Variants in FAM171A1 observed in about 807,000 individuals in gnomAD.
FAM171A1 encodes the protein family with sequence similarity 171 member A1.
In FAM171A1, 23 loss-of-function variants were observed where a neutral mutation model predicts 74.9. The ratio of observed to expected loss-of-function variants is 0.31; its 90% CI spans 0.22 to 0.44. The LOEUF is 0.44. Among genes scored for constraint, FAM171A1 ranks in the 20% least tolerant of loss-of-function variants. FAM171A1 has a pLI of 1.00. For missense variants in FAM171A1, 1,162 were observed against 1,159.2 expected (o/e 1.00, Z -0.03); for synonymous variants, 527 against 505.7 (o/e 1.04, Z -0.57).
intron 3 of FAM171A1, among the ~76,000 whole-genome samples, chr10:15,269,846 A>T (rs1834798894): frequency 6.6e-6 from 1 of 152,214 alleles, no homozygotes; most frequent in Non-Finnish European, 1.5e-5. Context: ...TGTGCCTCAC[A>T]GGGAAAATAG....
In FAM171A1 at chr10:15,355,304, G is replaced by A. The variant is rs11259619; in HGVS notation, c.97+15652C>T. On this transcript the variant is annotated intron_variant, in intron 1 of 7. Coordinates refer to ENST00000378116, the MANE Select transcript of FAM171A1 (RefSeq NM_001010924.2). ...TGCCCAGGCTGGTCTTGAACTCCTG[G>A]GCTCAAGTGATTCGCCCACTTCAGC... 1.2e-3 allele frequency among the ~76,000 whole-genome samples: 178 copies of A among 152,222 alleles called. 2 individuals carry two copies. In the East Asian group the frequency reaches 0.026, roughly 23 times the overall value.
chr10:15,233,090 C>T (rs150498476), intron 5 of FAM171A1, among the ~76,000 whole-genome samples: 4 of 151,852 alleles, frequency 2.6e-5, no homozygotes, highest in African/African-American at 4.8e-5. Context: ...GTCAGGAGAT[C>T]GAGACCATCC....
Position 15,234,956 on chromosome 10 carries a change from C to T in FAM171A1, c.754+13683G>A, listed in dbSNP as rs540123658. On this transcript the variant is annotated intron_variant, in intron 5 of 7. Coordinates refer to ENST00000378116, the MANE Select transcript of FAM171A1 (RefSeq NM_001010924.2). ...GGATTACAGGCGTGAGCCACCGTGCCGGGCCGATCAGAGGTACTTTTCATT... is the reference window on the plus strand; with the variant it reads ...GGATTACAGGCGTGAGCCACCGTGCTGGGCCGATCAGAGGTACTTTTCATT... Among the ~76,000 whole-genome samples, 611 of 152,154 alleles carry T rather than the reference C, an allele frequency of 4.0e-3. 4 individuals carry two copies. Among genetic ancestry groups the T allele is most frequent in the African/African-American group, 0.013 (542 of 41,522 alleles).
Position 15,214,196 on chromosome 10 carries a change from A to G in FAM171A1, c.1392T>C (p.Phe464=). 2 of 1,614,050 alleles carry G rather than the reference A, an allele frequency of 1.2e-6. No individual in the cohort carries two copies. Among genetic ancestry groups the G allele is most frequent in the South Asian group, 2.2e-5 (2 of 91,078 alleles). Residue 464 remains phenylalanine, a synonymous_variant, in exon 8 of 8, where the codon TTT becomes TTC. Transcript: ENST00000378116. ...GKDYHKSVEV[F]PLKARKSMER... is the part of the protein sequence containing the mutation. The stretch of plus-strand genomic sequence containing the variant: ...CCATAGATTTTCTTGCCTTTAAGGG[A>G]AAAACCTCCACTGACTTATGGTAGT...
chr10:15,297,219 T>G (rs545457132), intron 1 of FAM171A1, among the ~76,000 whole-genome samples: 66 of 151,992 alleles, frequency 4.3e-4, no homozygotes, highest in African/African-American at 1.6e-3. Context: ...CCACCACGCC[T>G]GGTTAATTTT....
Position 15,368,974 on chromosome 10 carries a change from A to G in FAM171A1, c.97+1982T>C, listed in dbSNP as rs143551478. Among the ~76,000 whole-genome samples the G allele has an allele frequency of 7.9e-4, 121 of 152,308 alleles. 2 individuals are homozygous for G. The Middle Eastern group carries it at 0.014, about 17-fold the overall frequency. ...CCTGGGCTCAAGGCTTTAAAAAGCC[A>G]TCCTTACAGTAGATAACAACAAAGG... On this transcript the variant is annotated intron_variant, in intron 1 of 7. Transcript: ENST00000378116.
At chr10:15,248,929 G>T in intron 4 of FAM171A1, 114 bp from the exon 5 acceptor site, 1 of 943,830 alleles carries the variant, frequency 1.1e-6, no homozygotes, top group Non-Finnish European at 1.5e-6. Flanking sequence ...GCCAGGGACT[G>T]CATGAAGCAC....
In FAM171A1 at chr10:15,281,478, G is replaced by T. The variant is rs747035151; in HGVS notation, c.325+2400C>A. ...GGCCGATATGTGTGGGGCCAGCCAG[G>T]GGTGGGCAGGCCTGGGACCCAGGTG... On this transcript the variant is annotated intron_variant, in intron 2 of 7. Coordinates refer to ENST00000378116, the MANE Select transcript of FAM171A1 (RefSeq NM_001010924.2). Among the ~76,000 whole-genome samples the T allele has an allele frequency of 6.3e-3, 958 of 152,324 alleles. 4 individuals are homozygous for T. Among genetic ancestry groups the T allele is most frequent in the Non-Finnish European group, 0.011 (754 of 68,028 alleles).
intron 1 of FAM171A1, among the ~76,000 whole-genome samples, chr10:15,362,506 G>A (rs1836006170): frequency 6.6e-6 from 1 of 152,324 alleles, no homozygotes; most frequent in East Asian, 1.9e-4. Context: ...AGGAGTTTGA[G>A]ACCAGGCTGG....
chr10:15,272,087 A>T (rs1325400992), intron 3 of FAM171A1, among the ~76,000 whole-genome samples: 3 of 152,230 alleles, frequency 2.0e-5, no homozygotes, highest in African/African-American at 7.2e-5. Context: ...AGACACAGAC[A>T]GGCACATTGG....
chr10:15,257,313 T>C (rs938048787), intron 3 of FAM171A1, among the ~76,000 whole-genome samples: 3 of 152,112 alleles, frequency 2.0e-5, no homozygotes, highest in Non-Finnish European at 4.4e-5. Context: ...CCGACTGGAC[T>C]GAGGGTTGCT....
In FAM171A1 at chr10:15,214,584, G is replaced by A. The variant is rs1270778440; in HGVS notation, c.1004C>T (p.Pro335Leu). The change falls in exon 8 of 8, where the codon CCT becomes CTT. Residue 335 changes from proline (P) to leucine (L), a missense_variant. Transcript: ENST00000378116. ...LYYCRRKCLK[P>L]RQHHRKLQLP... ...CTGCAGTTTTCTGTGGTGCTGACGAGGTTTCAAGCACTTCCTCCTGCGCCC... is the reference window on the plus strand; with the variant it reads ...CTGCAGTTTTCTGTGGTGCTGACGAAGTTTCAAGCACTTCCTCCTGCGCCC... The A allele has an allele frequency of 2.5e-6, 4 of 1,594,904 alleles. No homozygotes were observed. Among genetic ancestry groups the A allele is most frequent in the African/African-American group, 1.3e-5 (1 of 74,254 alleles).
chr10:15,263,336 G>A lies in FAM171A1; in HGVS notation c.419-8457C>T, dbSNP rs147928767. ...TCATCCCTTACCAGAAATAATCTGG[G>A]ATTTAATTTATGGATTTACTACCAA... is the stretch of plus-strand genomic sequence containing the variant. On this transcript the variant is annotated intron_variant, in intron 3 of 7. Transcript: ENST00000378116. Among the ~76,000 whole-genome samples the A allele has an allele frequency of 7.9e-3, 1,198 of 152,220 alleles. 9 individuals carry two copies. The highest frequency in any genetic ancestry group is 0.02 in the Middle Eastern group (6 of 294).
In FAM171A1 at chr10:15,298,638, G is replaced by A. The variant is rs117069397; in HGVS notation, c.98-14533C>T. Among the ~76,000 whole-genome samples, 10 of 152,196 alleles carry A rather than the reference G, an allele frequency of 6.6e-5. No individual in the cohort carries two copies. In the East Asian group the frequency reaches 1.9e-3, roughly 29 times the overall value. ...CTACATATGGCTCCAAAAAACAAAA[G>A]CAAAAGCCATAGTTCCAACTTTTAA... On this transcript the variant is annotated intron_variant, in intron 1 of 7. Transcript: ENST00000378116.
intron 1 of FAM171A1, among the ~76,000 whole-genome samples, chr10:15,291,596 C>A (rs1835102610): frequency 5.3e-5 from 8 of 152,194 alleles, no homozygotes; most frequent in Non-Finnish European, 1.2e-4. Flanking sequence ...CAAGGAAAAT[C>A]TACCTGAGCG....
At chr10:15,238,086 C>T (rs1834317093) in intron 5 of FAM171A1, among the ~76,000 whole-genome samples, 1 of 152,190 alleles carries the variant, frequency 6.6e-6, no homozygotes, top group Admixed American at 6.5e-5. Context: ...TACGCACAGA[C>T]TTGGTAAAGA....
In FAM171A1 at chr10:15,231,521, C is replaced by T. The variant is rs150391016; in HGVS notation, c.755-10461G>A. Among the ~76,000 whole-genome samples the T allele has an allele frequency of 2.4e-3, 368 of 152,116 alleles. 2 individuals carry two copies. The highest frequency in any genetic ancestry group is 8.1e-3 in the African/African-American group (336 of 41,510). On this transcript the variant is annotated intron_variant, in intron 5 of 7. Transcript: ENST00000378116. ...CACAGCCCTGAGAACGCGGTTCTAA[C>T]GAGCTCCGGGTGATGCAGGTGCCGT...
At position 15,248,661 on chromosome 10, in the gene FAM171A1, C is replaced by G. The variant is rs151163427; in HGVS notation, c.732G>C (p.Ala244=). 1.2e-6 allele frequency: 2 copies of G among 1,609,788 alleles called. No homozygotes were observed. The highest frequency in any genetic ancestry group is 1.1e-5 in the South Asian group (1 of 90,150). The change falls in exon 5 of 8, where the codon GCG becomes GCC. Residue 244 remains alanine (A), a synonymous_variant. Transcript: ENST00000378116. The part of the protein sequence containing the change: ...SSLRHNAYVA[A]WRFDQKLGTW... ...TACCCAGCTTCTGGTCAAACCGCCACGCCGCGACATAGGCATTGTGCCTCA... is the reference window on the plus strand; with the variant it reads ...TACCCAGCTTCTGGTCAAACCGCCAGGCCGCGACATAGGCATTGTGCCTCA...
rs530771604 is a variant in FAM171A1 at position 15,275,406 on chromosome 10, C to A, written c.418+449G>T. Among the ~76,000 whole-genome samples, 3 of 151,802 alleles carry A rather than the reference C, an allele frequency of 2.0e-5. No homozygotes were observed. In the South Asian group the frequency reaches 6.2e-4, roughly 32 times the overall value. On this transcript the variant is annotated intron_variant, in intron 3 of 7. Transcript: ENST00000378116. ...GGTTTAAGCGATTCTCCTGCCTCAG[C>A]CTCCCAAGTAGATGGGATTACAGGC...
Sources: gnomAD v4.1 joint callset for allele counts (sites outside exome capture counted in the v4.1 genomes callset) on GRCh38, gnomAD v4.1.1 for gene constraint, MANE v1.5 for transcripts, NCBI Gene and HGNC (gene_info 2026-07-23, HGNC 2026-07-21) for gene names.